WDR75: variants seen among roughly 807,000 people sequenced by gnomAD.
WDR75 encodes the protein WD repeat-containing protein 75.
Under a neutral mutation model 106.1 loss-of-function variants are expected in WDR75, and 52 were observed. That is an observed-to-expected ratio of 0.49 (90% CI 0.39 to 0.62). The LOEUF (loss-of-function observed/expected upper bound fraction) is 0.62, where lower values mean the gene tolerates loss of function less well. WDR75 is among the 20% of genes least tolerant of loss of function. WDR75 has a pLI of 0.00. For synonymous variants in WDR75, 333 were observed against 335.5 expected (o/e 0.99, Z 0.08); for missense variants, 905 against 970.3 (o/e 0.93, Z 0.89).
chr2:189,467,467 GA>G lies in WDR75; in HGVS notation c.1452del (p.Ala485LeufsTer29). ...GAACATTATGGCTTATATTTCCACAGAAAAAGCTGTTGGCTGGACCTGTGAC... is the reference window on the plus strand; with the variant it reads ...GAACATTATGGCTTATATTTCCACAGAAAAGCTGTTGGCTGGACCTGTGAC... Reference protein sequence around the residue: ...WILTDDSDIYKKAVGWTCDFV... With the variant: ...WILTDDSDIYXKAVGWTCDFV... On this transcript the variant is annotated frameshift_variant and splice_region_variant, in exon 14 of 21. Transcript: ENST00000314761. LOFTEE classifies it high-confidence loss of function. 6.3e-7 allele frequency: 1 copy of G among 1,593,042 alleles called. No homozygotes were observed. Among genetic ancestry groups the G allele is most frequent in the Non-Finnish European group, 8.5e-7 (1 of 1,169,744 alleles).
At chr2:189,451,753 G>T in intron 3 of WDR75, 52 bp from the exon 4 acceptor site, 1 of 1,505,616 alleles carries the variant, frequency 6.6e-7, no homozygotes, top group Non-Finnish European at 9.2e-7. Context: ...TGGATCTTAT[G>T]TTCCACTGGA....
chr2:189,450,450 C>G (rs879919178), intron 2 of WDR75: 88 of 860,646 alleles, frequency 1.0e-4, no homozygotes, highest in Non-Finnish European at 1.2e-4. Flanking sequence ...GCAACCTCAG[C>G]CTCCCAAGTA....
intron 14 of WDR75, 123 bp from the exon 15 acceptor site, chr2:189,468,351 AC>A (rs1332044194): frequency 2.5e-6 from 2 of 787,874 alleles, no homozygotes; most frequent in Non-Finnish European, 4.0e-6. Flanking sequence ...ATAATTATAA[AC>A]AAAAATATAT....
intron 17 of WDR75, 59 bp from the exon 18 acceptor site, chr2:189,470,760 C>T (rs1009670019): frequency 7.3e-7 from 1 of 1,371,826 alleles, no homozygotes; most frequent in African/African-American, 1.5e-5. Flanking sequence ...CCCTGTAACA[C>T]CTTGTTTAGA....
chr2:189,447,157 A>G (rs143278843), intron 1 of WDR75, among the ~76,000 whole-genome samples: 1,648 of 152,356 alleles, frequency 0.011, 17 homozygotes, highest in Non-Finnish European at 0.014. Context: ...GAAACCATAA[A>G]TAAGAGAGTA....
intron 10 of WDR75, 28 bp downstream of exon 10, chr2:189,463,781 T>A (rs764636830): frequency 6.2e-7 from 1 of 1,613,742 alleles, no homozygotes; most frequent in Non-Finnish European, 8.5e-7. Context: ...GGATTTGGAA[T>A]CATGAACATT....
At position 189,458,884 on chromosome 2, in the gene WDR75, C is replaced by G; in HGVS notation, c.689+12C>G. ...AAAATTCGTCTTTGGTCAGTTTGCT[C>G]ATGAAGAGCATGGCGATCATTTATG... On this transcript the variant is annotated intron_variant, in intron 7 of 20. Coordinates refer to ENST00000314761, the MANE Select transcript of WDR75 (RefSeq NM_032168.3). The G allele has an allele frequency of 6.3e-7, 1 of 1,597,182 alleles. No homozygotes were observed. Among genetic ancestry groups the G allele is most frequent in the Non-Finnish European group, 8.5e-7 (1 of 1,173,434 alleles).
At chr2:189,450,666 A>G in intron 2 of WDR75, 1 of 1,325,598 alleles carries the variant, frequency 7.5e-7, no homozygotes, top group Non-Finnish European at 9.6e-7. Context: ...TCAAGACAGA[A>G]AGTTGGCTTT....
chr2:189,447,338 C>T (rs562615295), intron 1 of WDR75, among the ~76,000 whole-genome samples: 1 of 152,276 alleles, frequency 6.6e-6, no homozygotes, highest in African/African-American at 2.4e-5. Context: ...GGAAGAAATC[C>T]ACAAATCCAG....
chr2:189,446,369 A>G (rs373874206), intron 1 of WDR75, among the ~76,000 whole-genome samples: 1 of 152,202 alleles, frequency 6.6e-6, no homozygotes, highest in East Asian at 1.9e-4. Flanking sequence ...AGAGTGGCCC[A>G]GGCTGGAGAT....
chr2:189,471,553 A>C (rs538565283), intron 18 of WDR75, among the ~76,000 whole-genome samples: 1 of 152,264 alleles, frequency 6.6e-6, no homozygotes, highest in Admixed American at 6.5e-5. Flanking sequence ...TTCTATTCTC[A>C]TGTAATTCAA....
At chr2:189,462,148 A>G (rs1686902662) in intron 8 of WDR75, among the ~76,000 whole-genome samples, 1 of 151,486 alleles carries the variant, frequency 6.6e-6, no homozygotes, top group African/African-American at 2.4e-5. Context: ...GCTTTTTTTT[A>G]TATATATATA....
Position 189,470,230 on chromosome 2 carries a change from C to A in WDR75, c.1974C>A (p.Phe658Leu). Reference protein sequence around the residue: ...YQWLNRSQFYFLTKSQSLLTF... With the variant: ...YQWLNRSQFYLLTKSQSLLTF... ...GGCTAAATAGATCCCAGTTTTACTT[C>A]CTAACAAAATCACAGGTAACTGCCT... Residue 658 changes from phenylalanine (F) to leucine (L), a missense_variant, in exon 17 of 21, where the codon TTC becomes TTA. Phe to Leu is a conservative substitution (Grantham distance 22). Coordinates refer to ENST00000314761, the MANE Select transcript of WDR75 (RefSeq NM_032168.3). 1 of 1,610,308 alleles carries A rather than the reference C, an allele frequency of 6.2e-7. No individual in the cohort carries two copies. Among genetic ancestry groups the A allele is most frequent in the Non-Finnish European group, 8.5e-7 (1 of 1,178,358 alleles).
In WDR75 at chr2:189,469,379, G is replaced by A. The variant is rs36109383; in HGVS notation, c.1759G>A (p.Glu587Lys). Reference sequence around the variant, plus strand: ...TGCAAAATTAAATGTTAGAGTTATGGAACCCGATCCTAATTCAGAGAATAT... The same window carrying A: ...TGCAAAATTAAATGTTAGAGTTATGAAACCCGATCCTAATTCAGAGAATAT... Reference protein sequence around the residue: ...WNAKLNVRVMEPDPNSENIAA... With the variant: ...WNAKLNVRVMKPDPNSENIAA... Residue 587 changes from glutamate to lysine, a missense_variant, in exon 16 of 21, where the codon GAA (glutamate) becomes AAA (lysine). By Grantham distance (56) the Glu-to-Lys change is moderately conservative. Transcript: ENST00000314761. 3 of 1,613,434 alleles carry A rather than the reference G, an allele frequency of 1.9e-6. No individual in the cohort carries two copies. In the African/African-American group the frequency reaches 4.0e-5, roughly 22 times the overall value.
intron 14 of WDR75, among the ~76,000 whole-genome samples, chr2:189,467,945 T>C (rs1038420821): frequency 2.6e-5 from 4 of 152,192 alleles, no homozygotes; most frequent in South Asian, 2.1e-4. Flanking sequence ...AACCTTCTTA[T>C]TTTCTGTGTA....
chr2:189,449,767 T>C, intron 2 of WDR75: 1 of 984,582 alleles, frequency 1.0e-6, no homozygotes, highest in Non-Finnish European at 1.2e-6. Flanking sequence ...AATTGTGATA[T>C]AAATTTCCTA....
chr2:189,474,867 G>A, intron 20 of WDR75, 59 bp downstream of exon 20: 2 of 1,377,680 alleles, frequency 1.5e-6, no homozygotes, highest in South Asian at 1.2e-5. Context: ...GATCGTTTGT[G>A]TTTATCCTTT....
At chr2:189,474,136 A>C (rs764972981) in intron 18 of WDR75, 50 bp from the exon 19 acceptor site, 4 of 1,568,080 alleles carry the variant, frequency 2.6e-6, no homozygotes, top group African/African-American at 2.7e-5. Context: ...AGTCAAACAC[A>C]GTTCTTCCTT....
In WDR75 at chr2:189,450,913, G is replaced by A; in HGVS notation, c.227G>A (p.Cys76Tyr). 1 of 1,609,926 alleles carries A rather than the reference G, an allele frequency of 6.2e-7. No homozygotes were observed. Among genetic ancestry groups the A allele is most frequent in the Non-Finnish European group, 8.5e-7 (1 of 1,179,000 alleles). Residue 76 changes from cysteine (C) to tyrosine (Y), a missense_variant, in exon 3 of 21, where the codon TGT (cysteine) becomes TAT (tyrosine). Physicochemically the swap from Cys to Tyr is radical, Grantham distance 194. Coordinates refer to ENST00000314761, the MANE Select transcript of WDR75 (RefSeq NM_032168.3). ...NPNNHLQLYSCSLDGTIKLWD... is the reference protein window; with the variant it reads ...NPNNHLQLYSYSLDGTIKLWD... ...GTTTTACCCTTTTAGCTGTATTCTT[G>A]TTCCCTTGATGGCACAATTAAACTG...
Sources: gnomAD v4.1 joint callset for allele counts (sites outside exome capture counted in the v4.1 genomes callset) on GRCh38, gnomAD v4.1.1 for gene constraint, MANE v1.5 for transcripts, NCBI Gene and HGNC (gene_info 2026-07-23, HGNC 2026-07-21) for gene names.